IQSEC1: variants seen among roughly 807,000 people sequenced by gnomAD.
IQSEC1 encodes IQ motif and SEC7 domain-containing protein 1.
Under a neutral mutation model 91.0 loss-of-function variants are expected in IQSEC1, and 31 were observed. The observed-to-expected ratio is 0.34, with a 90% confidence interval of 0.26 to 0.46. IQSEC1 has a LOEUF of 0.46. Ranked by LOEUF, IQSEC1 falls within the 20% of genes least tolerant of loss-of-function variation. The pLI is 1.00. For missense variants in IQSEC1, 1,388 were observed against 1,575.6 expected, an observed-to-expected ratio of 0.88 and a Z score of 2.02; for synonymous variants, 699 against 662.6, an observed-to-expected ratio of 1.05 and a Z score of -0.84.
Position 12,900,681 on chromosome 3 carries a change from G to A in IQSEC1, c.*302C>T. ...GCACAGGGAGCTGAGAGCTGGAGTG[G>A]GGGAGGCAGTTCAACACTACTTGGC... On this transcript the variant is annotated 3_prime_UTR_variant, in exon 14 of 14. Coordinates refer to ENST00000613206, the MANE Select transcript of IQSEC1 (RefSeq NM_001134382.3). 5 of 1,326,956 alleles carry A rather than the reference G, an allele frequency of 3.8e-6. No homozygotes were observed. The highest frequency in any genetic ancestry group is 3.9e-6 in the Non-Finnish European group (4 of 1,036,380). The allele number at this position is 1,326,956 out of a possible 1,614,324, so 82.2% of individuals were successfully genotyped here.
At chr3:13,038,473 C>T (rs1213509740) in intron 1 of IQSEC1, among the ~76,000 whole-genome samples, 1 of 151,366 alleles carries the variant, frequency 6.6e-6, no homozygotes, top group Non-Finnish European at 1.5e-5. Context: ...GACATAGAGA[C>T]TAGGACAGTT....
At chr3:13,047,266 G>C (rs189280088) in intron 1 of IQSEC1, among the ~76,000 whole-genome samples, 1 of 152,194 alleles carries the variant, frequency 6.6e-6, no homozygotes, top group Admixed American at 6.5e-5. Context: ...CTGGTCTTTG[G>C]GGGGACCTTG....
intron 2 of IQSEC1, among the ~76,000 whole-genome samples, chr3:13,154,281 C>G (rs1358239675): frequency 6.7e-6 from 1 of 149,794 alleles, no homozygotes; most frequent in African/African-American, 2.5e-5. Flanking sequence ...GCTGTGCACC[C>G]CAAGCTGCCA....
chr3:13,145,733 G>A (rs186069873), intron 2 of IQSEC1, among the ~76,000 whole-genome samples: 26 of 146,066 alleles, frequency 1.8e-4, no homozygotes, highest in South Asian at 8.8e-4. Flanking sequence ...GGCCCAAAGC[G>A]CAAGGAACAG....
At position 12,909,251 on chromosome 3, in the gene IQSEC1, G is replaced by T; in HGVS notation, c.2578+22C>A. ...AGAGTCTGGCAAGTCTCGGCCTTCT[G>T]TCCATGAGGCCTGGTACTCACACTC... On this transcript the variant is annotated intron_variant, in intron 11 of 13. Coordinates refer to ENST00000613206, the MANE Select transcript of IQSEC1 (RefSeq NM_001134382.3). This position sits in a 1 kb window ranked among gnomAD's most constrained non-coding sequence, Gnocchi z 4.9. 6.2e-7 allele frequency: 1 copy of T among 1,611,776 alleles called. No individual in the cohort carries two copies. The highest frequency in any genetic ancestry group is 8.5e-7 in the Non-Finnish European group (1 of 1,178,162).
intron 1 of IQSEC1, among the ~76,000 whole-genome samples, chr3:13,181,791 GTTTTGAGTGAC>G (rs1693849001): frequency 6.6e-6 from 1 of 152,238 alleles, no homozygotes; most frequent in Admixed American, 6.5e-5. Context: ...TTTTGGATAT[GTTTTGAGTGAC>G]TTTAAAATGA....
At chr3:13,020,378 C>T (rs1703343740) in intron 1 of IQSEC1, among the ~76,000 whole-genome samples, 2 of 152,332 alleles carry the variant, frequency 1.3e-5, no homozygotes, top group Middle Eastern at 3.4e-3. Context: ...ACTGTCTGCC[C>T]TGCTCCCTCA....
Position 12,909,183 on chromosome 3 carries a change from G to A in IQSEC1, c.2578+90C>T. On this transcript the variant is annotated intron_variant, in intron 11 of 13. Coordinates refer to ENST00000613206, the MANE Select transcript of IQSEC1 (RefSeq NM_001134382.3). The surrounding 1 kb of genome is among the most constrained non-coding windows in gnomAD (Gnocchi z 4.9). ...AAAGACTGGGGGACATCTTGTCTCT[G>A]TGAGCTCAGAAGTCACTGCCCTGAC... 1 of 1,357,054 alleles carries A rather than the reference G, an allele frequency of 7.4e-7. No individual in the cohort carries two copies. The allele number at this position is 1,357,054 out of a possible 1,614,324, so 84.1% of individuals were successfully genotyped here.
At chr3:13,174,990 T>C (rs1693699706) in intron 1 of IQSEC1, among the ~76,000 whole-genome samples, 1 of 152,160 alleles carries the variant, frequency 6.6e-6, no homozygotes, top group South Asian at 2.1e-4. Context: ...CACAGCATCG[T>C]CCCTTCCCTC....
intron 12 of IQSEC1, among the ~76,000 whole-genome samples, chr3:12,903,834 T>C (rs189408354): frequency 2.6e-3 from 396 of 152,266 alleles, no homozygotes; most frequent in Middle Eastern, 0.01. Flanking sequence ...CACCATGTAT[T>C]GAGCGCTGCG....
chr3:13,046,650 C>T (rs928835304), intron 1 of IQSEC1, among the ~76,000 whole-genome samples: 5 of 152,086 alleles, frequency 3.3e-5, no homozygotes, highest in Non-Finnish European at 7.4e-5. Context: ...CCCCCAACTC[C>T]CCTCCTCCCT....
chr3:12,964,867 G>T (rs1176215223), intron 1 of IQSEC1, among the ~76,000 whole-genome samples: 3 of 152,182 alleles, frequency 2.0e-5, no homozygotes, highest in Non-Finnish European at 4.4e-5. Context: ...AGCTCCTGCA[G>T]CCCTGGGTAC....
rs958558658 is a variant in IQSEC1 at position 12,903,681 on chromosome 3, C to T, written c.2756-859G>A. 2.6e-5 allele frequency among the ~76,000 whole-genome samples: 4 copies of T among 152,210 alleles called. No individual in the cohort carries two copies. In the South Asian group the frequency reaches 8.3e-4, roughly 32 times the overall value. ...GCCCCGCCCAGCCTCCACAGTCCCTCCTGAGGACTTCTCCGTGGATTTTTT... is the reference window on the plus strand; with the variant it reads ...GCCCCGCCCAGCCTCCACAGTCCCTTCTGAGGACTTCTCCGTGGATTTTTT... On this transcript the variant is annotated intron_variant, in intron 12 of 13. Transcript: ENST00000613206.
intron 1 of IQSEC1, among the ~76,000 whole-genome samples, chr3:13,213,655 A>C (rs1428202362): frequency 6.6e-6 from 1 of 152,172 alleles, no homozygotes; most frequent in East Asian, 1.9e-4. Flanking sequence ...GCTGAAATCC[A>C]AACAATCCAC....
intron 5 of IQSEC1, 124 bp from the exon 6 acceptor site, chr3:12,920,720 A>G: frequency 9.8e-7 from 1 of 1,022,526 alleles, no homozygotes; most frequent in Non-Finnish European, 1.4e-6. Flanking sequence ...CGAGGATCAC[A>G]CCTGCCTGTC....
At chr3:13,015,728 C>G in intron 1 of IQSEC1, 1 of 985,410 alleles carries the variant, frequency 1.0e-6, no homozygotes, top group Non-Finnish European at 1.2e-6. Context: ...GAAACCACAC[C>G]CAGGGGAGAG....
intron 1 of IQSEC1, among the ~76,000 whole-genome samples, chr3:13,040,492 C>A (rs934249911): frequency 6.6e-6 from 1 of 152,186 alleles, no homozygotes; most frequent in Non-Finnish European, 1.5e-5. Context: ...GGACAAAGAG[C>A]GCTCTCACGG....
At chr3:12,972,978 A>C (rs1033358600) in intron 1 of IQSEC1, among the ~76,000 whole-genome samples, 1 of 152,186 alleles carries the variant, frequency 6.6e-6, no homozygotes, top group Admixed American at 6.5e-5. Flanking sequence ...CAGATAAATA[A>C]AGCTGTTCTT....
At chr3:12,937,698 A>G (rs1384278699) in intron 2 of IQSEC1, among the ~76,000 whole-genome samples, 8 of 152,344 alleles carry the variant, frequency 5.3e-5, no homozygotes, top group African/African-American at 1.4e-4. Flanking sequence ...GGGCTGGCAC[A>G]TGCCAAGCAC....
Sources: allele counts gnomAD v4.1 joint callset (sites outside exome capture counted in the v4.1 genomes callset), GRCh38; gene constraint gnomAD v4.1.1; non-coding constraint Gnocchi (gnomAD v3.1); transcripts MANE v1.5; gene names NCBI Gene and HGNC (gene_info 2026-07-23, HGNC 2026-07-21).